The following NALF1 variants were observed in gnomAD, a reference collection of about 807,000 sequenced individuals.
The protein encoded by NALF1 is NALCN channel auxiliary factor 1.
A neutral mutation model predicts 48.4 loss-of-function variants in NALF1; 3 were observed. That is an observed-to-expected ratio of 0.06 (90% CI 0.03 to 0.16). NALF1 has a LOEUF of 0.16. Ranked by LOEUF, NALF1 falls within the 10% of genes least tolerant of loss-of-function variation. NALF1 has a pLI of 1.00. For synonymous variants in NALF1, 262 were observed against 245.7 expected (o/e 1.07, Z -0.62); for missense variants, 526 against 571.5 (o/e 0.92, Z 0.81).
intron 1 of NALF1, among the ~76,000 whole-genome samples, chr13:107,745,886 T>C (rs1404427398): frequency 6.6e-6 from 1 of 152,164 alleles, no homozygotes; most frequent in Non-Finnish European, 1.5e-5. Flanking sequence ...CAAAACAAAA[T>C]CAGCATTAAG....
intron 1 of NALF1, among the ~76,000 whole-genome samples, chr13:107,538,282 C>T (rs1876896565): frequency 6.6e-6 from 1 of 152,128 alleles, no homozygotes; most frequent in Non-Finnish European, 1.5e-5. Flanking sequence ...CTTCTTTTCA[C>T]TCTTCATGCT....
intron 1 of NALF1, among the ~76,000 whole-genome samples, chr13:107,279,951 C>G (rs1457269976): frequency 2.6e-5 from 4 of 152,092 alleles, no homozygotes; most frequent in Non-Finnish European, 1.5e-5. Context: ...TCTATAGCAC[C>G]TAAGCTAGTT....
chr13:107,541,522 G>A (rs773091579), intron 1 of NALF1, among the ~76,000 whole-genome samples: 1 of 152,142 alleles, frequency 6.6e-6, no homozygotes, highest in African/African-American at 2.4e-5. Context: ...GAAAGACAGA[G>A]AGGGCACAAG....
At chr13:107,347,198 C>T (rs117738946) in intron 1 of NALF1, among the ~76,000 whole-genome samples, 2,577 of 152,314 alleles carry the variant, frequency 0.017, 31 homozygotes, top group Middle Eastern at 0.031. Context: ...AGACTCTTTT[C>T]CAAAGATCCT....
At chr13:107,825,956 TTTTTAG>T (rs148633699) in intron 1 of NALF1, among the ~76,000 whole-genome samples, 11,489 of 152,152 alleles carry the variant, frequency 0.076, 565 homozygotes, top group Non-Finnish European at 0.095. Flanking sequence ...AATTTCTGCA[TTTTTAG>T]TAGAGATGGG....
At chr13:107,254,813 C>A (rs952570953) in intron 1 of NALF1, among the ~76,000 whole-genome samples, 1 of 152,162 alleles carries the variant, frequency 6.6e-6, no homozygotes, top group Admixed American at 6.5e-5. Context: ...CAGGCAAATG[C>A]TATAACTACA....
chr13:107,700,698 A>G (rs570292567), intron 1 of NALF1, among the ~76,000 whole-genome samples: 1 of 152,104 alleles, frequency 6.6e-6, no homozygotes, highest in Non-Finnish European at 1.5e-5. Flanking sequence ...AAATCAACCT[A>G]CAAACTGGGA....
chr13:107,847,378 G>A (rs973658165), intron 1 of NALF1, among the ~76,000 whole-genome samples: 3 of 152,108 alleles, frequency 2.0e-5, no homozygotes, highest in Admixed American at 2.0e-4. Context: ...TCTTTAAGGT[G>A]GGCCTCTGAT....
intron 1 of NALF1, among the ~76,000 whole-genome samples, chr13:107,582,367 G>C (rs1370480355): frequency 6.6e-6 from 1 of 152,170 alleles, no homozygotes; most frequent in African/African-American, 2.4e-5. Flanking sequence ...AGAAATACAC[G>C]TGTTACAGAA....
Position 107,453,507 on chromosome 13 carries a change from G to C in NALF1, c.916-242752C>G, listed in dbSNP as rs536337036. On this transcript the variant is annotated intron_variant, in intron 1 of 2. Coordinates refer to ENST00000375915, the MANE Select transcript of NALF1 (RefSeq NM_001080396.3). ...AGGACACAGGGCATCAAGTCCCAAG[G>C]ATGCACATAGCAAGGGGCCCCTAGG... Among the ~76,000 whole-genome samples, 20 of 152,288 alleles carry C rather than the reference G, an allele frequency of 1.3e-4. 1 individual carries two copies. In the South Asian group the frequency reaches 2.7e-3, roughly 20 times the overall value.
In NALF1 at chr13:107,170,230, C is replaced by A. The variant is rs964292076; in HGVS notation, c.*267G>T. ...AATAAACAAACAAATAAACCCAAACCAAAACGAAAGCAAATAAAACCTCCA... is the reference window on the plus strand; with the variant it reads ...AATAAACAAACAAATAAACCCAAACAAAAACGAAAGCAAATAAAACCTCCA... On this transcript the variant is annotated 3_prime_UTR_variant, in exon 3 of 3. Coordinates refer to ENST00000375915, the MANE Select transcript of NALF1 (RefSeq NM_001080396.3). The A allele has an allele frequency of 8.5e-6, 3 of 353,136 alleles. No individual in the cohort carries two copies. Among genetic ancestry groups the A allele is most frequent in the South Asian group, 7.1e-5 (1 of 14,172 alleles). The allele number at this position is 353,136 out of a possible 1,614,324, so 21.9% of individuals were successfully genotyped here. A position where few individuals can be genotyped will look rare whatever the true frequency, so the allele number is the denominator to read the frequency against.
At position 107,362,458 on chromosome 13, in the gene NALF1, A is replaced by G. The variant is rs1883080226; in HGVS notation, c.916-151703T>C. 6.6e-6 allele frequency among the ~76,000 whole-genome samples: 1 copy of G among 152,088 alleles called. No individual in the cohort carries two copies. Among genetic ancestry groups the G allele is most frequent in the African/African-American group, 2.4e-5 (1 of 41,396 alleles). On this transcript the variant is annotated intron_variant, in intron 1 of 2. Coordinates refer to ENST00000375915, the MANE Select transcript of NALF1 (RefSeq NM_001080396.3). This position sits in a 1 kb window ranked among gnomAD's most constrained non-coding sequence, Gnocchi z 4.6. ...CTTTGGAGGTATCAGGCAATCGGTGACATCTCTTGATTTGCAGCTGCATGA... is the reference window on the plus strand; with the variant it reads ...CTTTGGAGGTATCAGGCAATCGGTGGCATCTCTTGATTTGCAGCTGCATGA...
At chr13:107,260,252 C>T (rs1423375806) in intron 1 of NALF1, among the ~76,000 whole-genome samples, 1 of 152,156 alleles carries the variant, frequency 6.6e-6, no homozygotes, top group East Asian at 1.9e-4. Context: ...AACATTGTTG[C>T]ATATAGCCAA....
At chr13:107,568,424 T>C (rs1877881449) in intron 1 of NALF1, among the ~76,000 whole-genome samples, 1 of 152,250 alleles carries the variant, frequency 6.6e-6, no homozygotes, top group Non-Finnish European at 1.5e-5. Flanking sequence ...CAGGTTTAAG[T>C]TCTTGCATAA....
chr13:107,226,849 G>C (rs1284760723), intron 1 of NALF1, among the ~76,000 whole-genome samples: 1 of 152,068 alleles, frequency 6.6e-6, no homozygotes, highest in Non-Finnish European at 1.5e-5. Flanking sequence ...TTGAAAATAC[G>C]AGGCCCAGAA....
At position 107,170,823 on chromosome 13, in the gene NALF1, A is replaced by G. The variant is rs183453950; in HGVS notation, c.1088-37T>C. The G allele has an allele frequency of 7.6e-4, 1,210 of 1,594,850 alleles. 6 individuals carry two copies. Among genetic ancestry groups the G allele is most frequent in the Middle Eastern group, 6.0e-3 (36 of 5,998 alleles). ...AGGAAGTAGAGTGTCAGCAGGAAGGAAATACATTTGCGACATAGTAGAGTG... is the reference window on the plus strand; with the variant it reads ...AGGAAGTAGAGTGTCAGCAGGAAGGGAATACATTTGCGACATAGTAGAGTG... On this transcript the variant is annotated intron_variant, in intron 2 of 2. Coordinates refer to ENST00000375915, the MANE Select transcript of NALF1 (RefSeq NM_001080396.3).
chr13:107,625,624 T>C (rs771518534), intron 1 of NALF1, among the ~76,000 whole-genome samples: 2 of 152,148 alleles, frequency 1.3e-5, no homozygotes, highest in Non-Finnish European at 2.9e-5. Context: ...TTTGCTCCAA[T>C]ATCCATTTGA....
At chr13:107,499,699 A>G (rs1197078020) in intron 1 of NALF1, among the ~76,000 whole-genome samples, 2 of 152,236 alleles carry the variant, frequency 1.3e-5, no homozygotes, top group Non-Finnish European at 2.9e-5. Context: ...CCCAAGGGAA[A>G]AAATAATCAG....
chr13:107,855,347 C>G (rs1880418887), intron 1 of NALF1, among the ~76,000 whole-genome samples: 1 of 152,200 alleles, frequency 6.6e-6, no homozygotes, highest in African/African-American at 2.4e-5. Flanking sequence ...CACAAACTTT[C>G]TTAAAACATT....
Sources: gnomAD v4.1 joint callset for allele counts (sites outside exome capture counted in the v4.1 genomes callset) on GRCh38, gnomAD v4.1.1 for gene constraint, Gnocchi (gnomAD v3.1) non-coding constraint, MANE v1.5 for transcripts, NCBI Gene and HGNC (gene_info 2026-07-23, HGNC 2026-07-21) for gene names.